Variants in CSMD1 observed in about 807,000 individuals in gnomAD.
CSMD1 encodes the protein CUB and sushi domain-containing protein 1.
In CSMD1, 213 loss-of-function variants were observed where a neutral mutation model predicts 417.5. The ratio of observed to expected loss-of-function variants is 0.51; its 90% confidence interval spans 0.46 to 0.57. The LOEUF (loss-of-function observed/expected upper bound fraction) is 0.57, where lower values mean the gene tolerates loss of function less well. Among genes scored for constraint, CSMD1 ranks in the 20% least tolerant of loss-of-function variants. CSMD1 has a pLI of 0.00. For missense variants in CSMD1, 6,923 were observed against 4,529.7 expected, an observed-to-expected ratio of 1.53 and a Z score of -15.17; for synonymous variants, 2,862 against 1,736.8, an observed-to-expected ratio of 1.65 and a Z score of -16.11.
intron 25 of CSMD1, among the ~76,000 whole-genome samples, chr8:3,294,514 G>T (rs1385394650): frequency 2.6e-5 from 4 of 151,982 alleles, no homozygotes; most frequent in Admixed American, 2.0e-4. Context: ...TTCAAGCCTT[G>T]GCAATGGCGG....
chr8:4,688,760 G>A (rs774086032), intron 1 of CSMD1, among the ~76,000 whole-genome samples: 2 of 152,070 alleles, frequency 1.3e-5, no homozygotes, highest in Non-Finnish European at 2.9e-5. Flanking sequence ...ACAGCACTGC[G>A]GAGATAACCC....
intron 41 of CSMD1, among the ~76,000 whole-genome samples, chr8:3,120,565 C>G (rs555173451): frequency 6.6e-6 from 1 of 152,142 alleles, no homozygotes; most frequent in South Asian, 2.1e-4. Context: ...TGACAATGTG[C>G]AGGCTGGGCT....
intron 3 of CSMD1, among the ~76,000 whole-genome samples, chr8:4,328,179 G>T (rs564141112): frequency 6.6e-6 from 1 of 151,074 alleles, no homozygotes; most frequent in African/African-American, 2.4e-5. Flanking sequence ...CACATTATAA[G>T]ACAGTAAGTA....
At chr8:3,711,195 C>A (rs1219749037) in intron 6 of CSMD1, among the ~76,000 whole-genome samples, 3 of 152,152 alleles carry the variant, frequency 2.0e-5, no homozygotes, top group Non-Finnish European at 4.4e-5. Context: ...CTTTGAGGAG[C>A]TTTTCCCAAC....
intron 4 of CSMD1, among the ~76,000 whole-genome samples, chr8:4,024,229 C>T (rs1440582563): frequency 2.0e-5 from 3 of 152,018 alleles, no homozygotes; most frequent in African/African-American, 4.8e-5. Context: ...AGTGATGTAA[C>T]ATATTAATAC....
chr8:3,700,695 T>C (rs1199631681), intron 7 of CSMD1: 1 of 152,116 alleles, frequency 6.6e-6, no homozygotes, highest in African/African-American at 2.4e-5. Flanking sequence ...TGGGACATTA[T>C]TTCAGGCTGA....
chr8:3,632,540 G>C (rs1796837354), intron 7 of CSMD1, among the ~76,000 whole-genome samples: 2 of 152,182 alleles, frequency 1.3e-5, no homozygotes, highest in African/African-American at 4.8e-5. Flanking sequence ...GTTAGAACAA[G>C]TGGGATGTCT....
intron 2 of CSMD1, among the ~76,000 whole-genome samples, chr8:4,580,606 C>G (rs975661606): frequency 6.6e-6 from 1 of 152,062 alleles, no homozygotes; most frequent in South Asian, 2.1e-4. Context: ...CCCATAACTG[C>G]TCTCTCCCCT....
At chr8:4,428,965 C>T (rs1461583439) in intron 2 of CSMD1, among the ~76,000 whole-genome samples, 3 of 152,026 alleles carry the variant, frequency 2.0e-5, no homozygotes, top group Admixed American at 1.3e-4. Flanking sequence ...CCACCTGCCT[C>T]ATCCTCCCAA....
At chr8:4,348,657 G>T (rs1800916385) in intron 3 of CSMD1, among the ~76,000 whole-genome samples, 1 of 149,968 alleles carries the variant, frequency 6.7e-6, no homozygotes, top group African/African-American at 2.5e-5. Flanking sequence ...GGGAGAGAGA[G>T]AGAGAGAGAG....
chr8:3,861,789 T>C (rs1804728099), intron 5 of CSMD1, among the ~76,000 whole-genome samples: 1 of 152,212 alleles, frequency 6.6e-6, no homozygotes, highest in Non-Finnish European at 1.5e-5. Flanking sequence ...GAGTATCCTG[T>C]CTGCTTATCT....
At chr8:4,771,358 C>A (rs1796588083) in intron 1 of CSMD1, among the ~76,000 whole-genome samples, 1 of 152,224 alleles carries the variant, frequency 6.6e-6, no homozygotes, top group Non-Finnish European at 1.5e-5. Flanking sequence ...GAACACCAGG[C>A]TTTGGGCCCT....
chr8:3,247,403 G>A (rs1042437645), intron 26 of CSMD1, among the ~76,000 whole-genome samples: 1 of 152,074 alleles, frequency 6.6e-6, no homozygotes, highest in Admixed American at 6.6e-5. Flanking sequence ...TGACCCCTCT[G>A]CTGACTTCTC....
rs138227718 is a variant in CSMD1, at chr8:4,869,822, G to A, written c.85+124510C>T. Among the ~76,000 whole-genome samples, 571 of 151,934 alleles carry A rather than the reference G, an allele frequency of 3.8e-3. 2 individuals are homozygous for A. Among genetic ancestry groups the A allele is most frequent in the Non-Finnish European group, 6.2e-3 (419 of 67,912 alleles). On this transcript the variant is annotated intron_variant, in intron 1 of 69. Coordinates refer to ENST00000635120, the MANE Select transcript of CSMD1 (RefSeq NM_033225.6). ...GTCTGCCTGATGTTAATTATGGCTG[G>A]TCTTTAATTTATCATATATTCTCTC...
intron 3 of CSMD1, among the ~76,000 whole-genome samples, chr8:4,171,085 C>G (rs552760948): frequency 5.3e-5 from 8 of 151,938 alleles, no homozygotes; most frequent in Non-Finnish European, 1.2e-4. Context: ...CGGTGCTTAC[C>G]AGAGTCCAGC....
intron 3 of CSMD1, among the ~76,000 whole-genome samples, chr8:4,342,273 G>A (rs1007105943): frequency 6.8e-6 from 1 of 146,070 alleles, no homozygotes; most frequent in Admixed American, 7.0e-5. Context: ...GTGTGTAGAG[G>A]GATATTTAAA....
intron 12 of CSMD1, among the ~76,000 whole-genome samples, chr8:3,435,264 T>TTTTCACTGCACATA (rs531884756): frequency 6.6e-6 from 1 of 152,096 alleles, no homozygotes; most frequent in Non-Finnish European, 1.5e-5. Context: ...TTAATATGTG[T>TTTTCACTGCACATA]TTTCACTGCA....
intron 10 of CSMD1, among the ~76,000 whole-genome samples, chr8:3,540,948 A>C (rs1798412030): frequency 6.6e-6 from 1 of 152,230 alleles, no homozygotes. Flanking sequence ...AACTTAGTTC[A>C]ACCATTGTGG....
At chr8:4,954,338 G>A (rs1307852223) in intron 1 of CSMD1, among the ~76,000 whole-genome samples, 1 of 152,090 alleles carries the variant, frequency 6.6e-6, no homozygotes, top group East Asian at 1.9e-4. Context: ...TTAAAAAGGT[G>A]ATATTTCCAT....
Sources: allele counts gnomAD v4.1 joint callset (sites outside exome capture counted in the v4.1 genomes callset), GRCh38; gene constraint gnomAD v4.1.1; transcripts MANE v1.5; gene names NCBI Gene and HGNC (gene_info 2026-07-23, HGNC 2026-07-21).